Variants in TULP4 observed in about 807,000 individuals in gnomAD.
The protein encoded by TULP4 is TUB like protein 4, also known as tubby-related protein 4.
Under a neutral mutation model 129.0 loss-of-function variants are expected in TULP4, and 16 were observed. That is an observed-to-expected ratio of 0.12 (90% CI 0.08 to 0.19). The LOEUF is 0.19. Among genes scored for constraint, TULP4 ranks in the 10% least tolerant of loss-of-function variants. TULP4 has a pLI of 1.00. For missense variants in TULP4, 1,842 were observed against 2,059.1 expected (o/e 0.89, Z 2.04); for synonymous variants, 998 against 854.0 (o/e 1.17, Z -2.94).
At chr6:158,430,455 T>C (rs1185971873) in intron 3 of TULP4, among the ~76,000 whole-genome samples, 4 of 152,172 alleles carry the variant, frequency 2.6e-5, no homozygotes, top group Non-Finnish European at 4.4e-5. Flanking sequence ...GATAATTCAT[T>C]TTGGAGGCCA....
chr6:158,369,507 A>G (rs1259208478), intron 1 of TULP4, among the ~76,000 whole-genome samples: 1 of 152,094 alleles, frequency 6.6e-6, no homozygotes, highest in Admixed American at 6.6e-5. Context: ...CTCAAAATAA[A>G]AGGAGGCTTT....
chr6:158,503,263 G>T lies in TULP4; in HGVS notation c.3600G>T (p.Leu1200Phe), dbSNP rs376933499. ...CAGGAAGCTATAACAACCCCCCTTT[G>T]CCTGGAGTGCAGGCTCCCTGCTCTC... ...PYPGSYNNPP[L>F]PGVQAPCSPK... Residue 1200 changes from leucine to phenylalanine, a missense_variant, in exon 13 of 14, where the codon TTG becomes TTT. Leu to Phe is a conservative substitution (Grantham distance 22). This residue lies in a region of TULP4 where 1,089 missense variants were observed against 987.1 expected (regional missense o/e 1.10). Transcript: ENST00000367097. This position sits in a 1 kb window ranked among gnomAD's most constrained non-coding sequence, Gnocchi z 4.3. The T allele has an allele frequency of 1.2e-5, 19 of 1,613,750 alleles. No homozygotes were observed. Among genetic ancestry groups the T allele is most frequent in the Admixed American group, 3.3e-5 (2 of 59,990 alleles).
chr6:158,293,902 G>T (rs891559364), intron 1 of TULP4, among the ~76,000 whole-genome samples: 1 of 152,168 alleles, frequency 6.6e-6, no homozygotes, highest in African/African-American at 2.4e-5. Context: ...GCCACATAAC[G>T]AGTGGCTACT....
intron 1 of TULP4, among the ~76,000 whole-genome samples, chr6:158,284,346 G>A (rs1334664368): frequency 1.3e-5 from 2 of 152,248 alleles, no homozygotes; most frequent in African/African-American, 4.8e-5. Flanking sequence ...ACCCCAAGCT[G>A]AGAAACGAAT....
intron 1 of TULP4, among the ~76,000 whole-genome samples, chr6:158,246,060 G>A (rs1164488681): frequency 2.8e-5 from 4 of 144,348 alleles, no homozygotes; most frequent in African/African-American, 5.1e-5. Flanking sequence ...GTGTGTGTGT[G>A]TGTATTGTTC....
intron 3 of TULP4, among the ~76,000 whole-genome samples, chr6:158,441,976 T>C (rs1186038049): frequency 1.3e-5 from 2 of 152,230 alleles, no homozygotes; most frequent in Non-Finnish European, 2.9e-5. Context: ...CCAGAGAGCC[T>C]AATCGCGTTG....
In TULP4 at chr6:158,388,316, G is replaced by GTTTTTTTT. The variant is rs1377926300; in HGVS notation, c.253-24744_253-24743insTTTTTTTT. 7.3e-4 allele frequency among the ~76,000 whole-genome samples: 68 copies of GTTTTTTTT among 92,794 alleles called. 4 individuals are homozygous for GTTTTTTTT. Among genetic ancestry groups the GTTTTTTTT allele is most frequent in the South Asian group, 3.7e-3 (10 of 2,728 alleles). The allele number at this position is 92,794 out of a possible 152,430, so 60.9% of individuals were successfully genotyped here. A position where few individuals can be genotyped will look rare whatever the true frequency, so the allele number is the denominator to read the frequency against. On this transcript the variant is annotated intron_variant, in intron 1 of 13. Coordinates refer to ENST00000367097, the MANE Select transcript of TULP4 (RefSeq NM_020245.5). ...TTGTTTAAAGAAAAATAATCTGCTC[G>GTTTTTTTT]TTTTTCTTTTTTTTTTTTTTTTTTT...
intron 1 of TULP4, among the ~76,000 whole-genome samples, chr6:158,321,511 T>TCACC (rs1779631080): frequency 1.3e-5 from 2 of 152,130 alleles, no homozygotes; most frequent in African/African-American, 4.8e-5. Flanking sequence ...AGACTATCGG[T>TCACC]CACCCAGACA....
chr6:158,306,923 G>C (rs1187229510), intron 1 of TULP4, among the ~76,000 whole-genome samples: 2 of 152,140 alleles, frequency 1.3e-5, no homozygotes, highest in African/African-American at 4.8e-5. Flanking sequence ...AGGAGGCTGA[G>C]GTGGGAGGAT....
intron 1 of TULP4, among the ~76,000 whole-genome samples, chr6:158,343,487 G>C (rs1267871579): frequency 6.6e-6 from 1 of 152,140 alleles, no homozygotes; most frequent in Non-Finnish European, 1.5e-5. Flanking sequence ...GAGGCTTTGG[G>C]AAGTGATTTG....
intron 1 of TULP4, among the ~76,000 whole-genome samples, chr6:158,367,835 T>C (rs893066338): frequency 2.0e-5 from 3 of 151,418 alleles, no homozygotes; most frequent in Non-Finnish European, 2.9e-5. Context: ...AAGTTCTGGG[T>C]TTTCCATCCA....
intron 6 of TULP4, among the ~76,000 whole-genome samples, chr6:158,468,012 AC>A (rs2115209512): frequency 6.6e-6 from 1 of 152,350 alleles, no homozygotes; most frequent in East Asian, 1.9e-4. Context: ...TGACCCAGCA[AC>A]GGATGAATAA....
chr6:158,246,977 GTTA>G (rs904594824), intron 1 of TULP4, among the ~76,000 whole-genome samples: 3 of 152,084 alleles, frequency 2.0e-5, no homozygotes, highest in East Asian at 1.9e-4. Context: ...CTTTCTCACT[GTTA>G]TTATTTTTAA....
At chr6:158,430,042 T>A in intron 3 of TULP4, 145 bp downstream of exon 3, 1 of 768,660 alleles carries the variant, frequency 1.3e-6, no homozygotes, top group Non-Finnish European at 1.9e-6. Flanking sequence ...AGGTAAAAAT[T>A]AAAATAAAAA....
At chr6:158,407,946 G>T (rs1375415018) in intron 1 of TULP4, among the ~76,000 whole-genome samples, 1 of 152,138 alleles carries the variant, frequency 6.6e-6, no homozygotes, top group African/African-American at 2.4e-5. Flanking sequence ...CCATTGCATT[G>T]TACACTGACA....
At chr6:158,233,244 A>G (rs1410921270) in intron 1 of TULP4, among the ~76,000 whole-genome samples, 1 of 152,150 alleles carries the variant, frequency 6.6e-6, no homozygotes, top group Non-Finnish European at 1.5e-5. Flanking sequence ...CCTGTCGGGG[A>G]TAATCAGCTC....
At chr6:158,461,144 G>A (rs542861080) in intron 5 of TULP4, among the ~76,000 whole-genome samples, 2 of 152,324 alleles carry the variant, frequency 1.3e-5, no homozygotes, top group East Asian at 3.9e-4. Flanking sequence ...GGGTGCAGTG[G>A]CTCACGCCTG....
chr6:158,269,120 G>T (rs113856981), intron 1 of TULP4, among the ~76,000 whole-genome samples: 5 of 151,992 alleles, frequency 3.3e-5, no homozygotes, highest in African/African-American at 1.2e-4. Context: ...AGAAATTCTC[G>T]AGTCTGAGAA....
At chr6:158,475,347 T>C (rs1375971752) in intron 6 of TULP4, among the ~76,000 whole-genome samples, 1 of 152,272 alleles carries the variant, frequency 6.6e-6, no homozygotes, top group Non-Finnish European at 1.5e-5. Flanking sequence ...CTCCCTGAAA[T>C]GCAGCTCAGT....
Sources: allele counts gnomAD v4.1 joint callset (sites outside exome capture counted in the v4.1 genomes callset), GRCh38; gene constraint gnomAD v4.1.1; regional missense constraint gnomAD v4.1.1; non-coding constraint Gnocchi (gnomAD v3.1); transcripts MANE v1.5; gene names NCBI Gene and HGNC (gene_info 2026-07-23, HGNC 2026-07-21).